CAMTA1: variants seen among roughly 807,000 people sequenced by gnomAD.
CAMTA1 encodes calmodulin-binding transcription activator 1.
CAMTA1 carries 27 observed loss-of-function variants against 170.9 expected under a neutral mutation model. The observed-to-expected ratio is 0.16, with a 90% CI of 0.12 to 0.22. The LOEUF is 0.22. Ranked by LOEUF, CAMTA1 falls within the 10% of genes least tolerant of loss-of-function variation. The probability of loss-of-function intolerance (pLI) is 1.00; values close to 1 mark genes in which losing one functional copy is unlikely to be tolerated. For missense variants in CAMTA1, 1,619 were observed against 2,217.2 expected, an observed-to-expected ratio of 0.73 and a Z score of 5.42; for synonymous variants, 833 against 891.5, an observed-to-expected ratio of 0.93 and a Z score of 1.17.
intron 4 of CAMTA1, among the ~76,000 whole-genome samples, chr1:7,134,265 G>T (rs1416738096): frequency 6.6e-6 from 1 of 152,056 alleles, no homozygotes; most frequent in Non-Finnish European, 1.5e-5. Flanking sequence ...ATTCTATTGT[G>T]TATATGTACC....
chr1:7,276,457 C>T (rs1329585765), intron 5 of CAMTA1, among the ~76,000 whole-genome samples: 3 of 150,770 alleles, frequency 2.0e-5, no homozygotes, highest in Non-Finnish European at 3.0e-5. Context: ...ACTACAGGCG[C>T]CCGCCACCAT....
chr1:7,038,001 C>T (rs992751518), intron 3 of CAMTA1, among the ~76,000 whole-genome samples: 3 of 150,864 alleles, frequency 2.0e-5, no homozygotes, highest in Admixed American at 1.3e-4. Flanking sequence ...AGCTGTAAGA[C>T]CTTGGGCAAG....
At chr1:7,446,181 GAA>G (rs59283865) in intron 5 of CAMTA1, among the ~76,000 whole-genome samples, 4 of 128,250 alleles carry the variant, frequency 3.1e-5, no homozygotes, top group African/African-American at 2.7e-5. Context: ...ACTCTGCTGT[GAA>G]AAAAAAAAAA....
intron 3 of CAMTA1, among the ~76,000 whole-genome samples, chr1:6,836,095 C>T (rs1354788301): frequency 6.6e-6 from 1 of 152,086 alleles, no homozygotes; most frequent in Admixed American, 6.6e-5. Context: ...ACCTGCCTAC[C>T]CACCTTCAAG....
intron 6 of CAMTA1, among the ~76,000 whole-genome samples, chr1:7,557,841 G>A (rs978777158): frequency 7.9e-5 from 12 of 152,162 alleles, no homozygotes; most frequent in African/African-American, 2.7e-4. Flanking sequence ...TGGGGTGACC[G>A]CAAGGGTCTT....
rs888281793 is a variant in CAMTA1 at position 7,655,503 on chromosome 1, TAC to T, written c.665-6216_665-6215del. 5.2e-3 allele frequency among the ~76,000 whole-genome samples: 656 copies of T among 125,768 alleles called. 7 individuals carry two copies. The highest frequency in any genetic ancestry group is 0.02 in the African/African-American group (634 of 32,494). The allele number at this position is 125,768 out of a possible 152,430, so 82.5% of individuals were successfully genotyped here. On this transcript the variant is annotated intron_variant, in intron 7 of 22. Transcript: ENST00000303635. ...CAAACACACACCTATACAACACACA[TAC>T]ACACACCTATGTACACACCCACACA...
At chr1:7,705,499 A>T (rs1268175844) in intron 11 of CAMTA1, among the ~76,000 whole-genome samples, 1 of 141,622 alleles carries the variant, frequency 7.1e-6, no homozygotes, top group Non-Finnish European at 1.5e-5. Context: ...GAGGGCGGGG[A>T]CGAGCGTGTC....
intron 6 of CAMTA1, among the ~76,000 whole-genome samples, chr1:7,468,233 C>T (rs1052639096): frequency 1.3e-5 from 2 of 152,214 alleles, no homozygotes; most frequent in Non-Finnish European, 1.5e-5. Context: ...CCTGAAATGC[C>T]TGTTGGCTGA....
chr1:6,989,634 C>T lies in CAMTA1; in HGVS notation c.235-101670C>T, dbSNP rs144727128. ...GTAAACCTCTTCATTTGGGTGGATG[C>T]CCCGGGCTTTAAAGATAGCTGTCTT... On this transcript the variant is annotated intron_variant, in intron 3 of 22. Transcript: ENST00000303635. Among the ~76,000 whole-genome samples, 317 of 152,174 alleles carry T rather than the reference C, an allele frequency of 2.1e-3. 2 individuals are homozygous for T. The highest frequency in any genetic ancestry group is 7.1e-3 in the African/African-American group (296 of 41,514).
chr1:7,271,565 G>GAGATGATAGATAGAT (rs372026298), intron 5 of CAMTA1, among the ~76,000 whole-genome samples: 7 of 142,862 alleles, frequency 4.9e-5, no homozygotes, highest in Admixed American at 1.4e-4. Flanking sequence ...ACTGAGAAAA[G>GAGATGATAGATAGAT]AGATAGATAG....
At chr1:7,446,938 C>T (rs1026658545) in intron 5 of CAMTA1, among the ~76,000 whole-genome samples, 1 of 152,150 alleles carries the variant, frequency 6.6e-6, no homozygotes, top group Non-Finnish European at 1.5e-5. Flanking sequence ...CAGCCACCCT[C>T]GCCTCCACCG....
chr1:7,525,723 C>T (rs1440994775), intron 6 of CAMTA1, among the ~76,000 whole-genome samples: 1 of 152,180 alleles, frequency 6.6e-6, no homozygotes, highest in African/African-American at 2.4e-5. Flanking sequence ...CACCCCTGCA[C>T]CCTGCTCCTC....
chr1:7,265,048 C>G (rs1038668717), intron 5 of CAMTA1, among the ~76,000 whole-genome samples: 1 of 152,170 alleles, frequency 6.6e-6, no homozygotes, highest in African/African-American at 2.4e-5. Flanking sequence ...GCCAGGGAGC[C>G]GGGTTTTTCT....
intron 6 of CAMTA1, among the ~76,000 whole-genome samples, chr1:7,600,254 C>G (rs181990696): frequency 1.2e-4 from 18 of 152,246 alleles, no homozygotes; most frequent in African/African-American, 3.6e-4. Context: ...TGTTGATTTG[C>G]GTATGTTGAA....
intron 3 of CAMTA1, among the ~76,000 whole-genome samples, chr1:6,883,402 C>T (rs117971591): frequency 0.024 from 3,601 of 152,192 alleles, 50 homozygotes; most frequent in South Asian, 0.032. Context: ...AGCTGGTGCT[C>T]TGAAGGAATT....
intron 5 of CAMTA1, among the ~76,000 whole-genome samples, chr1:7,332,123 G>C (rs1372160137): frequency 2.0e-5 from 3 of 152,226 alleles, no homozygotes; most frequent in Non-Finnish European, 4.4e-5. Flanking sequence ...GAGTGCACCA[G>C]GTCTGGAGAG....
chr1:7,650,064 G>A (rs149223895), intron 7 of CAMTA1, among the ~76,000 whole-genome samples: 108 of 152,298 alleles, frequency 7.1e-4, no homozygotes, highest in African/African-American at 2.5e-3. Context: ...AGTCCAGGAG[G>A]CCCTAGAGCA....
chr1:7,076,941 A>G (rs1639374513), intron 3 of CAMTA1, among the ~76,000 whole-genome samples: 1 of 152,254 alleles, frequency 6.6e-6, no homozygotes, highest in Admixed American at 6.5e-5. Flanking sequence ...TGTGGGATTC[A>G]TGATCACAGG....
chr1:7,687,885 G>C (rs2096272106), intron 11 of CAMTA1, among the ~76,000 whole-genome samples: 1 of 152,202 alleles, frequency 6.6e-6, no homozygotes, highest in African/African-American at 2.4e-5. Context: ...GACAGCTCCA[G>C]GGCCCTGACC....
Sources: allele counts gnomAD v4.1 joint callset (sites outside exome capture counted in the v4.1 genomes callset), GRCh38; gene constraint gnomAD v4.1.1; transcripts MANE v1.5; gene names NCBI Gene and HGNC (gene_info 2026-07-23, HGNC 2026-07-21).